Variants in SLC25A13 observed in about 807,000 individuals in gnomAD.
SLC25A13 encodes the protein electrogenic aspartate/glutamate antiporter SLC25A13, mitochondrial.
A neutral mutation model predicts 85.5 loss-of-function variants in SLC25A13; 70 were observed. That is an observed-to-expected ratio of 0.82 (90% CI 0.68 to 1.00). The LOEUF (loss-of-function observed/expected upper bound fraction) is 1.00, where lower values mean the gene tolerates loss of function less well. SLC25A13 is among the 50% of genes least tolerant of loss of function. The pLI, the probability that SLC25A13 is intolerant of heterozygous loss-of-function variation, is 0.00. For synonymous variants in SLC25A13, 259 were observed against 288.7 expected (o/e 0.90, Z 1.04); for missense variants, 765 against 819.8 (o/e 0.93, Z 0.82).
At chr7:96,261,611 T>C (rs1797853910) in intron 3 of SLC25A13, among the ~76,000 whole-genome samples, 1 of 152,166 alleles carries the variant, frequency 6.6e-6, no homozygotes, top group African/African-American at 2.4e-5. Context: ...AATCTCTGAA[T>C]CTCACTGTAT....
intron 3 of SLC25A13, among the ~76,000 whole-genome samples, chr7:96,267,453 C>T (rs1465072914): frequency 6.6e-6 from 1 of 152,110 alleles, no homozygotes; most frequent in East Asian, 1.9e-4. Flanking sequence ...TTCTTTGATG[C>T]CTTTATTCTT....
chr7:96,197,814 G>A (rs762065893), intron 5 of SLC25A13, among the ~76,000 whole-genome samples: 20 of 152,036 alleles, frequency 1.3e-4, no homozygotes, highest in Admixed American at 4.6e-4. Context: ...GAACAATATG[G>A]GCAGTAATCA....
intron 3 of SLC25A13, among the ~76,000 whole-genome samples, chr7:96,235,516 T>G (rs1796712938): frequency 6.6e-6 from 1 of 152,136 alleles, no homozygotes; most frequent in Non-Finnish European, 1.5e-5. Context: ...ACACAAGAAC[T>G]AGTATGGTAA....
rs184313470 is a variant in SLC25A13 at position 96,187,515 on chromosome 7, A to G, written c.933+1779T>C. On this transcript the variant is annotated intron_variant, in intron 9 of 17. Transcript: ENST00000265631. ...ACCTTCATTTTGACAGATGCATCCA[A>G]AAGAGAAGCAATATTTTATTTACAG... 4.6e-3 allele frequency among the ~76,000 whole-genome samples: 707 copies of G among 152,320 alleles called. 4 individuals carry two copies. The highest frequency in any genetic ancestry group is 0.016 in the African/African-American group (680 of 41,572).
chr7:96,311,581 G>GT (rs1276035303), intron 1 of SLC25A13, among the ~76,000 whole-genome samples: 1 of 152,138 alleles, frequency 6.6e-6, no homozygotes, highest in African/African-American at 2.4e-5. Context: ...TTTAAAAGAC[G>GT]TATCAACCAG....
At chr7:96,234,744 A>T in intron 4 of SLC25A13, 58 bp downstream of exon 4, 2 of 1,326,878 alleles carry the variant, frequency 1.5e-6, no homozygotes, top group Middle Eastern at 1.9e-4. Context: ...AAAAAAAAAA[A>T]GAAAATGCTC....
intron 14 of SLC25A13, among the ~76,000 whole-genome samples, chr7:96,134,812 T>TATATATATATAA (rs1554337568): frequency 6.8e-6 from 1 of 146,212 alleles, no homozygotes; most frequent in African/African-American, 2.5e-5. Flanking sequence ...TATATATATA[T>TATATATATATAA]AACCCTGAGG....
intron 3 of SLC25A13, among the ~76,000 whole-genome samples, chr7:96,240,444 G>A (rs1055387853): frequency 3.9e-5 from 6 of 152,258 alleles, no homozygotes; most frequent in Non-Finnish European, 8.8e-5. Context: ...TTTGGCAGAG[G>A]GCAGTTCTAG....
chr7:96,206,092 T>G (rs1795451161), intron 5 of SLC25A13, among the ~76,000 whole-genome samples: 1 of 152,188 alleles, frequency 6.6e-6, no homozygotes, highest in Non-Finnish European at 1.5e-5. Context: ...AGGAGTGCTG[T>G]CTCTACATGC....
chr7:96,286,079 T>C (rs1353317762), intron 2 of SLC25A13, among the ~76,000 whole-genome samples: 1 of 151,920 alleles, frequency 6.6e-6, no homozygotes, highest in Non-Finnish European at 1.5e-5. Flanking sequence ...GGTCAGGAGA[T>C]CGAGACCATC....
intron 14 of SLC25A13, among the ~76,000 whole-genome samples, chr7:96,136,653 G>T (rs1031383374): frequency 6.6e-6 from 1 of 152,164 alleles, no homozygotes; most frequent in Non-Finnish European, 1.5e-5. Context: ...GCCAGGGCAG[G>T]TCTTTTTGCA....
At chr7:96,222,344 G>A (rs188357836) in intron 4 of SLC25A13, among the ~76,000 whole-genome samples, 1 of 152,306 alleles carries the variant, frequency 6.6e-6, no homozygotes, top group East Asian at 1.9e-4. Flanking sequence ...GTGGCACAGG[G>A]TGTAGACTAG....
chr7:96,247,805 A>G (rs1432958786), intron 3 of SLC25A13, among the ~76,000 whole-genome samples: 2 of 152,158 alleles, frequency 1.3e-5, no homozygotes, highest in African/African-American at 2.4e-5. Context: ...ATCACAATCA[A>G]GCTAATTAAC....
intron 14 of SLC25A13, among the ~76,000 whole-genome samples, chr7:96,139,954 T>C (rs981906656): frequency 3.4e-4 from 15 of 44,182 alleles, no homozygotes; most frequent in African/African-American, 1.3e-3. Flanking sequence ...TCTTTTTTTT[T>C]TTTTTTTTTT....
At chr7:96,287,583 A>C (rs1798939529) in intron 2 of SLC25A13, among the ~76,000 whole-genome samples, 1 of 152,178 alleles carries the variant, frequency 6.6e-6, no homozygotes, top group South Asian at 2.1e-4. Context: ...AAGTGGATGT[A>C]GCAGCTGACA....
chr7:96,234,894 A>G lies in SLC25A13; in HGVS notation c.236T>C (p.Val79Ala). ...KDGLISFQEF[V>A]AFESVLCAPD... Reference sequence around the variant, plus strand: ...GGCACACAGGACAGATTCAAAGGCAACAAATTCTTGAAAAGATATTAATCT... The same window carrying G: ...GGCACACAGGACAGATTCAAAGGCAGCAAATTCTTGAAAAGATATTAATCT... The change falls in exon 4 of 18, where the codon GTT becomes GCT. Residue 79 changes from valine to alanine, a missense_variant. Physicochemically the swap from Val to Ala is moderately conservative, Grantham distance 64. Coordinates refer to ENST00000265631, the MANE Select transcript of SLC25A13 (RefSeq NM_014251.3). The G allele has an allele frequency of 6.2e-7, 1 of 1,613,776 alleles. No homozygotes were observed. The highest frequency in any genetic ancestry group is 1.1e-5 in the South Asian group (1 of 91,080).
At chr7:96,128,790 TAATAATAAA>T (rs1791849608) in intron 15 of SLC25A13, among the ~76,000 whole-genome samples, 1 of 139,642 alleles carries the variant, frequency 7.2e-6, no homozygotes, top group Admixed American at 7.5e-5. Flanking sequence ...ATAATAATAA[TAATAATAAA>T]AGTCAATGCT....
chr7:96,165,998 A>G (rs1436387026), intron 13 of SLC25A13, among the ~76,000 whole-genome samples: 2 of 152,228 alleles, frequency 1.3e-5, no homozygotes, highest in African/African-American at 2.4e-5. Context: ...TATGGGAATC[A>G]CCATTATGGT....
chr7:96,153,118 T>C (rs1321764676), intron 13 of SLC25A13, among the ~76,000 whole-genome samples: 2 of 152,182 alleles, frequency 1.3e-5, no homozygotes, highest in African/African-American at 2.4e-5. Context: ...GAGTGAAAGG[T>C]AGAACATGAA....
Sources: allele counts gnomAD v4.1 joint callset (sites outside exome capture counted in the v4.1 genomes callset), GRCh38; gene constraint gnomAD v4.1.1; transcripts MANE v1.5; gene names NCBI Gene and HGNC (gene_info 2026-07-23, HGNC 2026-07-21).